Variants in IQCM observed in about 807,000 individuals in gnomAD.
IQCM encodes the protein IQ motif containing M, also known as IQ domain-containing protein M.
Under a neutral mutation model 57.6 loss-of-function variants are expected in IQCM, and 45 were observed. That is an observed-to-expected ratio of 0.78 (90% CI 0.62 to 1.00). The LOEUF (loss-of-function observed/expected upper bound fraction) is 1.00. Among genes scored for constraint, IQCM ranks in the 50% least tolerant of loss-of-function variants. The pLI is 0.00. For synonymous variants in IQCM, 148 were observed against 158.9 expected, an observed-to-expected ratio of 0.93 and a Z score of 0.51; for missense variants, 468 against 511.6, an observed-to-expected ratio of 0.91 and a Z score of 0.82.
At chr4:149,742,865 T>C in intron 2 of IQCM, 126 bp from the exon 3 acceptor site, 1 of 404,518 alleles carries the variant, frequency 2.5e-6, no homozygotes, top group East Asian at 3.6e-5. Context: ...CTGTGCTCTA[T>C]AACCTTCAAT....
chr4:149,366,535 G>A (rs1729856643), intron 13 of IQCM, among the ~76,000 whole-genome samples: 1 of 151,750 alleles, frequency 6.6e-6, no homozygotes, highest in Non-Finnish European at 1.5e-5. Context: ...CCAGACATTA[G>A]TAACAACTTT....
chr4:149,566,172 T>C (rs1018478814), intron 9 of IQCM, among the ~76,000 whole-genome samples: 1 of 152,138 alleles, frequency 6.6e-6, no homozygotes, highest in Non-Finnish European at 1.5e-5. Context: ...GCAGGTGAAA[T>C]GGTAATGATT....
chr4:149,437,957 A>G (rs1377898757), intron 12 of IQCM, among the ~76,000 whole-genome samples: 1 of 152,082 alleles, frequency 6.6e-6, no homozygotes, highest in African/African-American at 2.4e-5. Context: ...GCCCCTTCAC[A>G]CAAATGCCAG....
At chr4:149,436,016 A>G (rs1204866161) in intron 12 of IQCM, among the ~76,000 whole-genome samples, 2 of 152,274 alleles carry the variant, frequency 1.3e-5, no homozygotes, top group Middle Eastern at 3.4e-3. Flanking sequence ...TTATAAAGTT[A>G]GTGTCGCCTA....
At chr4:149,809,855 C>T (rs901759172) in intron 2 of IQCM, among the ~76,000 whole-genome samples, 10 of 152,306 alleles carry the variant, frequency 6.6e-5, no homozygotes, top group African/African-American at 2.2e-4. Context: ...AGAAATCTTT[C>T]AATCCTATTG....
chr4:149,626,934 T>C (rs1327798439), intron 7 of IQCM, among the ~76,000 whole-genome samples: 1 of 151,506 alleles, frequency 6.6e-6, no homozygotes, highest in Non-Finnish European at 1.5e-5. Flanking sequence ...AGGAAAAAAA[T>C]ACAGAAAAAA....
intron 7 of IQCM, among the ~76,000 whole-genome samples, chr4:149,643,176 A>G (rs761998896): frequency 3.3e-5 from 5 of 152,210 alleles, no homozygotes; most frequent in Non-Finnish European, 7.3e-5. Context: ...ATTTCAGTTT[A>G]ACACATGGAG....
At chr4:149,453,781 A>T (rs972985481) in intron 12 of IQCM, among the ~76,000 whole-genome samples, 5 of 151,930 alleles carry the variant, frequency 3.3e-5, no homozygotes, top group Non-Finnish European at 7.4e-5. Context: ...ATTGTAAAAT[A>T]GTGCAACAAC....
At chr4:149,470,533 G>A (rs949932768) in intron 12 of IQCM, among the ~76,000 whole-genome samples, 4 of 152,064 alleles carry the variant, frequency 2.6e-5, no homozygotes, top group African/African-American at 7.2e-5. Context: ...GGGAGACTTT[G>A]ACACCCCACT....
intron 12 of IQCM, among the ~76,000 whole-genome samples, chr4:149,500,037 C>CA (rs1682625259): frequency 6.6e-6 from 1 of 152,194 alleles, no homozygotes; most frequent in Admixed American, 6.5e-5. Flanking sequence ...GCAGACCTTC[C>CA]AGCTGTCTCT....
chr4:149,437,342 T>C (rs947157414), intron 12 of IQCM, among the ~76,000 whole-genome samples: 2 of 152,132 alleles, frequency 1.3e-5, no homozygotes, highest in Non-Finnish European at 2.9e-5. Flanking sequence ...GATGTTAGTC[T>C]TCTCCACAAA....
intron 2 of IQCM, among the ~76,000 whole-genome samples, chr4:149,796,780 CA>C (rs1195716908): frequency 6.6e-6 from 1 of 152,032 alleles, no homozygotes; most frequent in African/African-American, 2.4e-5. Flanking sequence ...CCTGGTAATG[CA>C]AAAAATTCTC....
chr4:149,506,457 G>T (rs541173974), intron 12 of IQCM, among the ~76,000 whole-genome samples: 1 of 152,282 alleles, frequency 6.6e-6, no homozygotes, highest in South Asian at 2.1e-4. Flanking sequence ...GGGGCAAGAG[G>T]TTAAGTTTTC....
At chr4:149,781,221 T>C (rs1303479358) in intron 2 of IQCM, among the ~76,000 whole-genome samples, 9 of 152,214 alleles carry the variant, frequency 5.9e-5, no homozygotes, top group Admixed American at 3.3e-4. Flanking sequence ...TCCTTATCCA[T>C]TGTTTTGCTT....
chr4:149,645,305 T>C (rs1175912482), intron 7 of IQCM, among the ~76,000 whole-genome samples: 1 of 152,246 alleles, frequency 6.6e-6, no homozygotes, highest in African/African-American at 2.4e-5. Context: ...AGTTTTTTAA[T>C]TGATGTTGTG....
chr4:149,371,019 CAG>C (rs1730333648), intron 13 of IQCM, among the ~76,000 whole-genome samples: 1 of 152,064 alleles, frequency 6.6e-6, no homozygotes, highest in Non-Finnish European at 1.5e-5. Context: ...AAGACTCAGT[CAG>C]GGGAATTTCT....
At chr4:149,557,317 C>A (rs1452647515) in intron 10 of IQCM, among the ~76,000 whole-genome samples, 1 of 152,132 alleles carries the variant, frequency 6.6e-6, no homozygotes, top group South Asian at 2.1e-4. Flanking sequence ...AGCTAGACAG[C>A]CTTATGTTTG....
intron 10 of IQCM, among the ~76,000 whole-genome samples, chr4:149,556,968 G>A (rs1454627418): frequency 6.6e-6 from 1 of 152,130 alleles, no homozygotes; most frequent in Non-Finnish European, 1.5e-5. Context: ...TAATTGCTCA[G>A]TACAGAAACT....
chr4:149,657,795 T>C (rs1451613871), intron 7 of IQCM, among the ~76,000 whole-genome samples: 13 of 152,126 alleles, frequency 8.5e-5, no homozygotes, highest in Non-Finnish European at 1.9e-4. Context: ...TGCTCATTTG[T>C]ATGTCTTCTT....
Sources: gnomAD v4.1 joint callset for allele counts (sites outside exome capture counted in the v4.1 genomes callset) on GRCh38, gnomAD v4.1.1 for gene constraint, MANE v1.5 for transcripts, NCBI Gene and HGNC (gene_info 2026-07-23, HGNC 2026-07-21) for gene names.